DNMT1: variants seen among roughly 807,000 people sequenced by gnomAD.
The protein encoded by DNMT1 is DNA methyltransferase 1.
Under a neutral mutation model 205.3 loss-of-function variants are expected in DNMT1, and 24 were observed. The ratio of observed to expected loss-of-function variants is 0.12; its 90% CI spans 0.08 to 0.16. The LOEUF (loss-of-function observed/expected upper bound fraction) is 0.16. DNMT1 is among the 10% of genes least tolerant of loss of function. The pLI is 1.00. For synonymous variants in DNMT1, 817 were observed against 839.8 expected (o/e 0.97, Z 0.47); for missense variants, 1,293 against 2,177.7 (o/e 0.59, Z 8.09).
rs573064863 is a variant in DNMT1 at position 10,166,726 on chromosome 19, G to T, written c.804-41C>A. 118 of 1,611,746 alleles carry T rather than the reference G, an allele frequency of 7.3e-5. No homozygotes were observed. In the Middle Eastern group the frequency reaches 2.2e-3, roughly 29 times the overall value. ...ACACACACACAGGCTGGTCAGCTCG[G>T]GGGGGGCCCTGCACCGGGGCCAACA... On this transcript the variant is annotated intron_variant, in intron 10 of 40. Transcript: ENST00000359526.
Position 10,137,571 on chromosome 19 carries a change from G to A in DNMT1, c.4293+261C>T, listed in dbSNP as rs1027268785. The A allele has an allele frequency of 1.4e-5, 9 of 644,748 alleles. No homozygotes were observed. Among genetic ancestry groups the A allele is most frequent in the East Asian group, 2.7e-5 (1 of 36,586 alleles). 39.9% of individuals were successfully genotyped at this position (644,748 alleles called of 1,614,324 possible). ...GTCTTGGCATCCTGGGAAAACATGC[G>A]GGGAGAGGCAGCAAGGGGGAAGGCA... On this transcript the variant is annotated intron_variant, in intron 36 of 40. Transcript: ENST00000359526. This position sits in a 1 kb window ranked among gnomAD's most constrained non-coding sequence, Gnocchi z 6.4.
At position 10,180,253 on chromosome 19, in the gene DNMT1, A is replaced by G. The variant is rs1196085521; in HGVS notation, c.446-19T>C. 3.4e-6 allele frequency: 5 copies of G among 1,453,134 alleles called. No individual in the cohort carries two copies. The highest frequency in any genetic ancestry group is 4.7e-6 in the Non-Finnish European group (5 of 1,059,824). 90.0% of individuals were successfully genotyped at this position (1,453,134 alleles called of 1,614,324 possible). On this transcript the variant is annotated intron_variant, in intron 4 of 40. Coordinates refer to ENST00000359526, the MANE Select transcript of DNMT1 (RefSeq NM_001130823.3). ...CTTGAACCTGGGAGGCAGAGGTTAC[A>G]GTGAGCCGAGGTTACACCACTGTGC... is the stretch of plus-strand genomic sequence containing the variant.
chr19:10,180,754 C>T (rs927509826), intron 3 of DNMT1, 24 bp downstream of exon 3: 83 of 1,609,822 alleles, frequency 5.2e-5, no homozygotes, highest in Non-Finnish European at 7.1e-5. Context: ...TTTCTAGAGG[C>T]TAGGATGCTG....
At chr19:10,194,560 A>G (rs983492689) in intron 1 of DNMT1, 12 of 446,072 alleles carry the variant, frequency 2.7e-5, no homozygotes, top group African/African-American at 2.5e-4. Context: ...TGGGGATCAA[A>G]AGAGAACCCC....
At chr19:10,163,731 T>A (rs2038629040) in intron 11 of DNMT1, among the ~76,000 whole-genome samples, 1 of 152,202 alleles carries the variant, frequency 6.6e-6, no homozygotes, top group African/African-American at 2.4e-5. Flanking sequence ...TGAGAAAGTG[T>A]GGCTCTGTTC....
At position 10,146,085 on chromosome 19, in the gene DNMT1, C is replaced by G. The variant is rs897193678; in HGVS notation, c.2894+266G>C. ...CTCAGATGATTCCCCACTGCCTCGGCCTCCCAAAGCGCTGGGATTACAGGC... is the reference window on the plus strand; with the variant it reads ...CTCAGATGATTCCCCACTGCCTCGGGCTCCCAAAGCGCTGGGATTACAGGC... On this transcript the variant is annotated intron_variant, in intron 28 of 40. Coordinates refer to ENST00000359526, the MANE Select transcript of DNMT1 (RefSeq NM_001130823.3). The surrounding 1 kb of genome is among the most constrained non-coding windows in gnomAD (Gnocchi z 4.4). Among the ~76,000 whole-genome samples the G allele has an allele frequency of 2.6e-5, 4 of 152,200 alleles. No homozygotes were observed. The highest frequency in any genetic ancestry group is 9.7e-5 in the African/African-American group (4 of 41,444).
chr19:10,181,312 T>C (rs2039041218), intron 2 of DNMT1, among the ~76,000 whole-genome samples: 1 of 151,892 alleles, frequency 6.6e-6, no homozygotes, highest in Non-Finnish European at 1.5e-5. Flanking sequence ...TAGCTGGGCA[T>C]GGTGGCTTGA....
intron 5 of DNMT1, among the ~76,000 whole-genome samples, chr19:10,178,986 G>A (rs533574588): frequency 1.2e-4 from 17 of 147,014 alleles, no homozygotes; most frequent in South Asian, 2.2e-4. Context: ...AAAATTAGCC[G>A]GGCATGGTGG....
At chr19:10,160,194 G>A (rs2038539448) in intron 14 of DNMT1, 131 bp from the exon 15 acceptor site, 3 of 1,555,898 alleles carry the variant, frequency 1.9e-6, no homozygotes, top group Non-Finnish European at 2.6e-6. Context: ...TGAGGCCCAG[G>A]CGCGTGGTCA....
chr19:10,161,521 C>T (rs946499171), intron 13 of DNMT1, among the ~76,000 whole-genome samples: 14 of 152,044 alleles, frequency 9.2e-5, no homozygotes, highest in African/African-American at 2.7e-4. Flanking sequence ...GTGCCATCTG[C>T]CTGTAGTCCC....
Position 10,168,303 on chromosome 19 carries a change from G to T in DNMT1, c.803+27C>A, listed in dbSNP as rs548974261. 8 of 1,613,856 alleles carry T rather than the reference G, an allele frequency of 5.0e-6. No individual in the cohort carries two copies. The Admixed American group carries it at 1.0e-4, about 20-fold the overall frequency. On this transcript the variant is annotated intron_variant, in intron 10 of 40. Transcript: ENST00000359526. ...GTTAGCAATTCAGTTTCACAACAAA[G>T]CACAAAGGCAGGTTCGCTGCACTTA...
chr19:10,149,457 A>G lies in DNMT1; in HGVS notation c.2582T>C (p.Met861Thr). Reference sequence around the variant, plus strand: ...CGAGGGACACCAGGCACTCACCTCCATGGCCCAGTTTTCGGAGGGGGCTTT... The same window carrying G: ...CGAGGGACACCAGGCACTCACCTCCGTGGCCCAGTTTTCGGAGGGGGCTTT... ...IYKAPSENWA[M>T]EGGMDPESLL... is the part of the protein sequence containing the mutation. The change falls in exon 26 of 41, where the codon ATG becomes ACG. Residue 861 changes from methionine (M) to threonine (T), a missense_variant. Met to Thr is a moderately conservative substitution (Grantham distance 81). Transcript: ENST00000359526. The G allele has an allele frequency of 1.2e-6, 2 of 1,614,050 alleles. No individual in the cohort carries two copies. Among genetic ancestry groups the G allele is most frequent in the Non-Finnish European group, 1.7e-6 (2 of 1,179,990 alleles).
In DNMT1 at chr19:10,146,666, T is replaced by C. The variant is rs1367786232; in HGVS notation, c.2721-142A>G. The stretch of plus-strand genomic sequence containing the variant: ...ATGCTAGAAGGAAGAGGTGGCTTTC[T>C]TGTGCTTTGTGTTGACATTTTGAAG... On this transcript the variant is annotated intron_variant, in intron 27 of 40. Transcript: ENST00000359526. This position sits in a 1 kb window ranked among gnomAD's most constrained non-coding sequence, Gnocchi z 4.4. 1 of 1,092,000 alleles carries C rather than the reference T, an allele frequency of 9.2e-7. No individual in the cohort carries two copies. The highest frequency in any genetic ancestry group is 1.3e-6 in the Non-Finnish European group (1 of 763,736). The allele number at this position is 1,092,000 out of a possible 1,614,324, so 67.6% of individuals were successfully genotyped here. A position where few individuals can be genotyped will look rare whatever the true frequency, so the allele number is the denominator to read the frequency against.
chr19:10,168,513 T>A, intron 9 of DNMT1, 149 bp from the exon 10 acceptor site: 1 of 763,360 alleles, frequency 1.3e-6, no homozygotes, highest in South Asian at 1.5e-5. Flanking sequence ...CAGTAGCTCA[T>A]GCCTGTAATC....
intron 5 of DNMT1, among the ~76,000 whole-genome samples, chr19:10,179,554 G>A (rs1040292327): frequency 2.0e-5 from 3 of 151,982 alleles, no homozygotes; most frequent in East Asian, 1.9e-4. Flanking sequence ...ATTTAAAGAC[G>A]TACACATCTA....
intron 1 of DNMT1, among the ~76,000 whole-genome samples, chr19:10,191,593 G>T (rs2039306013): frequency 6.6e-6 from 1 of 152,120 alleles, no homozygotes. Context: ...TGAGCCAGTG[G>T]CCTACTGGCA....
chr19:10,180,733 G>A, intron 3 of DNMT1, 45 bp downstream of exon 3: 1 of 1,586,688 alleles, frequency 6.3e-7, no homozygotes, highest in Non-Finnish European at 8.7e-7. Context: ...AAGTTACTAG[G>A]AGGAGACATT....
At position 10,151,900 on chromosome 19, in the gene DNMT1, C is replaced by T; in HGVS notation, c.2020-53G>A. 1.3e-6 allele frequency: 2 copies of T among 1,553,310 alleles called. No homozygotes were observed. The highest frequency in any genetic ancestry group is 1.1e-5 in the South Asian group (1 of 89,824). On this transcript the variant is annotated intron_variant, in intron 22 of 40. Coordinates refer to ENST00000359526, the MANE Select transcript of DNMT1 (RefSeq NM_001130823.3). This position sits in a 1 kb window ranked among gnomAD's most constrained non-coding sequence, Gnocchi z 5.0. ...CAGGGCTGGGCACAGTGGTTCATGC[C>T]TGTAATCCCAGTATTTCAGAAGGCC...
chr19:10,148,958 C>T lies in DNMT1; in HGVS notation c.2646G>A (p.Gln882=), dbSNP rs899494527. The change falls in exon 27 of 41, where the codon CAG becomes CAA. Residue 882 remains glutamine, a synonymous_variant. Transcript: ENST00000359526. Reference sequence around the variant, plus strand: ...TCGCGTAGTCTTGATCATACCACAGCTGGTAGAAGTAGGTCTTCCCGTCGT... The same window carrying T: ...TCGCGTAGTCTTGATCATACCACAGTTGGTAGAAGTAGGTCTTCCCGTCGT... The part of the protein sequence containing the change: ...EGDDGKTYFY[Q]LWYDQDYARF... 6.2e-6 allele frequency: 10 copies of T among 1,614,062 alleles called. No homozygotes were observed. Among genetic ancestry groups the T allele is most frequent in the Non-Finnish European group, 5.9e-6 (7 of 1,180,034 alleles).
Sources: allele counts gnomAD v4.1 joint callset (sites outside exome capture counted in the v4.1 genomes callset), GRCh38; gene constraint gnomAD v4.1.1; non-coding constraint Gnocchi (gnomAD v3.1); transcripts MANE v1.5; gene names NCBI Gene and HGNC (gene_info 2026-07-23, HGNC 2026-07-21).